PRKN: variants seen among roughly 807,000 people sequenced by gnomAD.
The protein encoded by PRKN is E3 ubiquitin-protein ligase parkin.
A neutral mutation model predicts 59.5 loss-of-function variants in PRKN; 56 were observed. The observed-to-expected ratio is 0.94, with a 90% confidence interval of 0.76 to 1.18. The LOEUF is 1.18. Among genes scored for constraint, PRKN ranks in the 50% most tolerant of loss-of-function variants. The pLI is 0.00. For synonymous variants in PRKN, 250 were observed against 222.1 expected, an observed-to-expected ratio of 1.13 and a Z score of -1.12; for missense variants, 657 against 596.4, an observed-to-expected ratio of 1.10 and a Z score of -1.06.
intron 1 of PRKN, among the ~76,000 whole-genome samples, chr6:162,662,266 CTTT>C (rs765923082): frequency 7.3e-6 from 1 of 137,738 alleles, no homozygotes. Context: ...AATGAGGTTA[CTTT>C]TTTTTTTTTT....
At chr6:161,909,770 G>A (rs1778285834) in intron 6 of PRKN, among the ~76,000 whole-genome samples, 1 of 152,196 alleles carries the variant, frequency 6.6e-6, no homozygotes. Flanking sequence ...TAGTCTATAA[G>A]AGCATGTACA....
intron 6 of PRKN, among the ~76,000 whole-genome samples, chr6:161,899,009 T>C (rs1409652811): frequency 6.6e-6 from 1 of 152,188 alleles, no homozygotes; most frequent in Admixed American, 6.5e-5. Flanking sequence ...ATCCAAGGGC[T>C]CCTCTGCCCA....
intron 4 of PRKN, among the ~76,000 whole-genome samples, chr6:162,125,026 C>A (rs1025718525): frequency 1.3e-5 from 2 of 152,148 alleles, no homozygotes; most frequent in African/African-American, 4.8e-5. Flanking sequence ...GCTCTGCCGG[C>A]ATCAAGTACG....
intron 5 of PRKN, among the ~76,000 whole-genome samples, chr6:162,002,079 T>C (rs2128263290): frequency 6.6e-6 from 1 of 152,152 alleles, no homozygotes; most frequent in Non-Finnish European, 1.5e-5. Flanking sequence ...TTGAGGAATT[T>C]TGCATCTATA....
chr6:162,127,578 G>A (rs142999205), intron 4 of PRKN, among the ~76,000 whole-genome samples: 166 of 152,298 alleles, frequency 1.1e-3, no homozygotes, highest in African/African-American at 3.6e-3. Flanking sequence ...AAGAGTTGCG[G>A]TGAAAAAACT....
At chr6:161,861,594 T>C (rs1793901070) in intron 6 of PRKN, among the ~76,000 whole-genome samples, 1 of 133,166 alleles carries the variant, frequency 7.5e-6, no homozygotes, top group African/African-American at 3.0e-5. Flanking sequence ...AAAGTAAAAT[T>C]TTTTTAAAAA....
chr6:161,478,852 C>A (rs1791252800), intron 9 of PRKN, among the ~76,000 whole-genome samples: 1 of 151,806 alleles, frequency 6.6e-6, no homozygotes, highest in Non-Finnish European at 1.5e-5. Context: ...GTGGCAAAAA[C>A]AAAACAAAAA....
At chr6:162,148,206 TA>T (rs1350374820) in intron 4 of PRKN, among the ~76,000 whole-genome samples, 4 of 152,156 alleles carry the variant, frequency 2.6e-5, no homozygotes, top group Admixed American at 1.3e-4. Context: ...TGCTGATGAG[TA>T]AACATTAGTA....
chr6:161,351,579 C>A (rs941093208), intron 11 of PRKN, among the ~76,000 whole-genome samples: 1 of 152,172 alleles, frequency 6.6e-6, no homozygotes. Flanking sequence ...CCCGCCTCGG[C>A]CTCCCAAAGT....
At chr6:161,893,178 T>C (rs1262006339) in intron 6 of PRKN, among the ~76,000 whole-genome samples, 2 of 152,224 alleles carry the variant, frequency 1.3e-5, no homozygotes, top group East Asian at 1.9e-4. Flanking sequence ...AAAAAAGACA[T>C]ATTTATACAT....
At position 161,457,831 on chromosome 6, in the gene PRKN, G is replaced by A. The variant is rs116720156; in HGVS notation, c.1084-70954C>T. On this transcript the variant is annotated intron_variant, in intron 9 of 11. Transcript: ENST00000366898. The surrounding 1 kb of genome is among the most constrained non-coding windows in gnomAD (Gnocchi z 5.0). ...ATAAGAAGTCCAACATTTTGTAGAT[G>A]ACCGCACATGTAAGTTAAAGAAATA... is the stretch of plus-strand genomic sequence containing the variant. Among the ~76,000 whole-genome samples, 195 of 152,330 alleles carry A rather than the reference G, an allele frequency of 1.3e-3. No individual in the cohort carries two copies. Among genetic ancestry groups the A allele is most frequent in the African/African-American group, 4.3e-3 (180 of 41,570 alleles).
chr6:162,452,808 AGAG>A (rs71696210), intron 1 of PRKN, among the ~76,000 whole-genome samples: 55,699 of 151,750 alleles, frequency 0.37, 10,441 homozygotes, highest in East Asian at 0.57. Context: ...CTACGTGGAC[AGAG>A]GGAAGTGGGT....
intron 2 of PRKN, among the ~76,000 whole-genome samples, chr6:162,342,768 G>C (rs1784238499): frequency 6.6e-6 from 1 of 152,088 alleles, no homozygotes. Flanking sequence ...TCCTTGTCAA[G>C]CCCAATCATG....
At position 161,386,912 on chromosome 6, in the gene PRKN, T is replaced by A; in HGVS notation, c.1084-35A>T. The A allele has an allele frequency of 1.3e-6, 2 of 1,535,066 alleles. No individual in the cohort carries two copies. The highest frequency in any genetic ancestry group is 1.8e-6 in the Non-Finnish European group (2 of 1,107,876). ...AACACACATCCATTAATTAGGGACA[T>A]TAGGTTGCATTTGGCAATAACACAT... is the stretch of plus-strand genomic sequence containing the variant. On this transcript the variant is annotated intron_variant, in intron 9 of 11. Coordinates refer to ENST00000366898, the MANE Select transcript of PRKN (RefSeq NM_004562.3). This position sits in a 1 kb window ranked among gnomAD's most constrained non-coding sequence, Gnocchi z 4.3.
chr6:161,754,181 A>G (rs1788814127), intron 7 of PRKN, among the ~76,000 whole-genome samples: 1 of 152,070 alleles, frequency 6.6e-6, no homozygotes, highest in South Asian at 2.1e-4. Context: ...GGCAGACCCA[A>G]TGTTGCATGA....
chr6:161,951,955 G>A (rs980368439), intron 6 of PRKN, among the ~76,000 whole-genome samples: 2 of 151,372 alleles, frequency 1.3e-5, no homozygotes, highest in Non-Finnish European at 2.9e-5. Flanking sequence ...AAATGTAAAT[G>A]TTGGCACCTC....
At chr6:161,900,344 G>C (rs1777841283) in intron 6 of PRKN, among the ~76,000 whole-genome samples, 1 of 150,130 alleles carries the variant, frequency 6.7e-6, no homozygotes, top group African/African-American at 2.4e-5. Flanking sequence ...ACAAGACATG[G>C]AGCTTTGGGT....
intron 5 of PRKN, among the ~76,000 whole-genome samples, chr6:162,036,250 G>C (rs1213990249): frequency 6.6e-6 from 1 of 151,768 alleles, no homozygotes; most frequent in Non-Finnish European, 1.5e-5. Context: ...CGTGAACCCG[G>C]GAGGCGGAGC....
chr6:162,365,434 T>C (rs1269978747), intron 2 of PRKN, among the ~76,000 whole-genome samples: 1 of 152,200 alleles, frequency 6.6e-6, no homozygotes, highest in African/African-American at 2.4e-5. Context: ...CCCTAATTTT[T>C]TACTGTTTCA....
Sources: allele counts gnomAD v4.1 joint callset (sites outside exome capture counted in the v4.1 genomes callset), GRCh38; gene constraint gnomAD v4.1.1; non-coding constraint Gnocchi (gnomAD v3.1); transcripts MANE v1.5; gene names NCBI Gene and HGNC (gene_info 2026-07-23, HGNC 2026-07-21).